Variants in LCA5L observed in about 807,000 individuals in gnomAD.
The protein encoded by LCA5L is lebercilin LCA5 like.
In LCA5L, 35 loss-of-function variants were observed where a neutral mutation model predicts 45.4. The ratio of observed to expected loss-of-function variants is 0.77; its 90% CI spans 0.59 to 1.02. The LOEUF (loss-of-function observed/expected upper bound fraction) is 1.02, where lower values mean the gene tolerates loss of function less well. Among genes scored for constraint, LCA5L ranks in the 50% least tolerant of loss-of-function variants. The pLI is 0.00. For synonymous variants in LCA5L, 233 were observed against 264.7 expected, an observed-to-expected ratio of 0.88 and a Z score of 1.16; for missense variants, 668 against 761.6, an observed-to-expected ratio of 0.88 and a Z score of 1.45.
At chr21:39,443,061 G>C (rs1353260719) in intron 2 of LCA5L, among the ~76,000 whole-genome samples, 1 of 152,146 alleles carries the variant, frequency 6.6e-6, no homozygotes, top group Non-Finnish European at 1.5e-5. Flanking sequence ...GTGAAATGGG[G>C]GCAGCAGTTT....
Position 39,406,182 on chromosome 21 carries a change from G to C in LCA5L, c.1713C>G (p.Asp571Glu). The C allele has an allele frequency of 6.2e-7, 1 of 1,614,204 alleles. No homozygotes were observed. Among genetic ancestry groups the C allele is most frequent in the South Asian group, 1.1e-5 (1 of 91,090 alleles). ...TACCAAATGAGGGCTCATACCCACTGTCAGAATGCTCTAGCTCCATTTCCT... is the reference window on the plus strand; with the variant it reads ...TACCAAATGAGGGCTCATACCCACTCTCAGAATGCTCTAGCTCCATTTCCT... ...NREEMELEHS[D>E]SGYEPSFGKS... Residue 571 changes from aspartate to glutamate, a missense_variant, in exon 11 of 11, where the codon GAC (aspartate) becomes GAG (glutamate). Coordinates refer to ENST00000288350, the MANE Select transcript of LCA5L (RefSeq NM_152505.4).
chr21:39,433,046 T>A (rs920597076), intron 3 of LCA5L, among the ~76,000 whole-genome samples: 2 of 152,224 alleles, frequency 1.3e-5, no homozygotes, highest in Admixed American at 6.5e-5. Context: ...CATCTGTGAT[T>A]TTTCATTCTC....
At chr21:39,418,381 TTTAA>T (rs2041679308) in intron 7 of LCA5L, among the ~76,000 whole-genome samples, 1 of 152,252 alleles carries the variant, frequency 6.6e-6, no homozygotes, top group South Asian at 2.1e-4. Context: ...TGGAGGTACA[TTTAA>T]TTTTCTTTTT....
chr21:39,410,398 CAT>C, intron 8 of LCA5L, 31 bp from the exon 9 acceptor site: 1 of 1,122,038 alleles, frequency 8.9e-7, no homozygotes, highest in Non-Finnish European at 1.3e-6. Context: ...ATGTAAGAAA[CAT>C]ATTTTACATT....
intron 6 of LCA5L, chr21:39,422,608 T>G: frequency 3.0e-6 from 1 of 336,616 alleles, no homozygotes; most frequent in South Asian, 1.1e-4. Flanking sequence ...CAGTTTAAGG[T>G]AGAGGGTTGA....
chr21:39,405,759 A>G lies in LCA5L; in HGVS notation c.*123T>C, dbSNP rs1387336564. On this transcript the variant is annotated 3_prime_UTR_variant, in exon 11 of 11. Transcript: ENST00000288350. ...ATCAAACAAAAATTTAATTATCGAA[A>G]GTCAATTAAGTACTAAAACACACAC... 1 of 656,888 alleles carries G rather than the reference A, an allele frequency of 1.5e-6. No homozygotes were observed. Among genetic ancestry groups the G allele is most frequent in the African/African-American group, 1.8e-5 (1 of 54,698 alleles). The allele number at this position is 656,888 out of a possible 1,614,324, so 40.7% of individuals were successfully genotyped here. A position where few individuals can be genotyped will look rare whatever the true frequency, so the allele number is the denominator to read the frequency against.
chr21:39,405,929 T>A lies in LCA5L; in HGVS notation c.1966A>T (p.Ile656Phe), dbSNP rs1057349551. 1 of 1,610,794 alleles carries A rather than the reference T, an allele frequency of 6.2e-7. No homozygotes were observed. Among genetic ancestry groups the A allele is most frequent in the South Asian group, 1.1e-5 (1 of 90,898 alleles). ...GDSKVTVVNS[I>F]KPSSPTEGKR... ...CCTTCTGTAGGTGACGATGGCTTAA[T>A]AGAATTTACCACAGTTACTTTAGAG... The change falls in exon 11 of 11, where the codon ATT (isoleucine) becomes TTT (phenylalanine). Residue 656 changes from isoleucine (I) to phenylalanine (F), a missense_variant. Coordinates refer to ENST00000288350, the MANE Select transcript of LCA5L (RefSeq NM_152505.4).
chr21:39,441,179 AT>A (rs2076814821), intron 2 of LCA5L, among the ~76,000 whole-genome samples: 1 of 152,190 alleles, frequency 6.6e-6, no homozygotes, highest in Admixed American at 6.5e-5. Flanking sequence ...CTAAAAAAAA[AT>A]TAGCCGGGTG....
At chr21:39,421,205 C>T (rs957926147) in intron 6 of LCA5L, among the ~76,000 whole-genome samples, 1 of 149,692 alleles carries the variant, frequency 6.7e-6, no homozygotes, top group East Asian at 2.0e-4. Flanking sequence ...TGGGTTCAAA[C>T]GATTCTCCTG....
chr21:39,417,033 G>C (rs2041307958), intron 7 of LCA5L, among the ~76,000 whole-genome samples: 1 of 151,068 alleles, frequency 6.6e-6, no homozygotes, highest in South Asian at 2.1e-4. Flanking sequence ...TTTAGGGATA[G>C]CTTTTTATTT....
chr21:39,440,390 C>T (rs148354855), intron 2 of LCA5L, among the ~76,000 whole-genome samples: 2 of 152,110 alleles, frequency 1.3e-5, no homozygotes, highest in Non-Finnish European at 2.9e-5. Flanking sequence ...AGGGAGATGC[C>T]ATCTCTATAA....
chr21:39,431,644 A>G (rs2075736474), intron 3 of LCA5L, among the ~76,000 whole-genome samples: 1 of 152,048 alleles, frequency 6.6e-6, no homozygotes, highest in Non-Finnish European at 1.5e-5. Context: ...CAGCCTCCCA[A>G]GTAGCTGGGA....
intron 3 of LCA5L, among the ~76,000 whole-genome samples, chr21:39,433,322 G>A (rs1027491046): frequency 6.6e-6 from 1 of 151,190 alleles, no homozygotes; most frequent in African/African-American, 2.4e-5. Context: ...GGAGGCTGAG[G>A]CAGGAGAATT....
intron 3 of LCA5L, among the ~76,000 whole-genome samples, chr21:39,434,124 T>C (rs2076058839): frequency 6.6e-6 from 1 of 152,158 alleles, no homozygotes; most frequent in African/African-American, 2.4e-5. Context: ...AATACAGGTA[T>C]GTTTGGGTTC....
rs2075122430 is a variant in LCA5L, at chr21:39,428,337, T to C, written c.157A>G (p.Arg53Gly). Residue 53 changes from arginine (R) to glycine (G), a missense_variant, in exon 5 of 11, where the codon AGA becomes GGA. Coordinates refer to ENST00000288350, the MANE Select transcript of LCA5L (RefSeq NM_152505.4). The part of the protein sequence containing the change: ...NASNKSVDYS[R>G]SQCSCGSLSS... ...AAACTTCCACAGGAGCACTGAGATC[T>C]GCTATAATCAACACTCTTATTGGAA... 1.2e-6 allele frequency: 2 copies of C among 1,613,652 alleles called. No individual in the cohort carries two copies. The highest frequency in any genetic ancestry group is 1.7e-6 in the Non-Finnish European group (2 of 1,179,932).
In LCA5L at chr21:39,442,970, G is replaced by A. The variant is rs146453228; in HGVS notation, c.-246+1165C>T. Among the ~76,000 whole-genome samples the A allele has an allele frequency of 5.6e-3, 858 of 152,324 alleles. 8 individuals are homozygous for A. Among genetic ancestry groups the A allele is most frequent in the African/African-American group, 0.018 (762 of 41,564 alleles). ...TCCAATATTAAGGAGCCTGGGAGAG[G>A]AGGGTGAGCCAGAATGGCAGCAGGA... On this transcript the variant is annotated intron_variant, in intron 2 of 10. Transcript: ENST00000288350.
rs550342233 is a variant in LCA5L at position 39,428,598 on chromosome 21, AT to A, written c.-10-96del. On this transcript the variant is annotated intron_variant, in intron 4 of 10. Coordinates refer to ENST00000288350, the MANE Select transcript of LCA5L (RefSeq NM_152505.4). Reference sequence around the variant, plus strand: ...TTATTTTATATATATATATATATATATTTTTTTTTTTTTTTTTTTTTTTTTT... The same window carrying A: ...TTATTTTATATATATATATATATATATTTTTTTTTTTTTTTTTTTTTTTTT... 247 of 31,896 alleles carry A rather than the reference AT, an allele frequency of 7.7e-3. 3 individuals are homozygous for A. The highest frequency in any genetic ancestry group is 0.026 in the Middle Eastern group (1 of 38). The allele number at this position is 31,896 out of a possible 1,614,324, so 2.0% of individuals were successfully genotyped here.
At chr21:39,426,273 A>G (rs1268685686) in intron 5 of LCA5L, among the ~76,000 whole-genome samples, 1 of 152,200 alleles carries the variant, frequency 6.6e-6, no homozygotes, top group Non-Finnish European at 1.5e-5. Context: ...TCCATCACGC[A>G]TACTTGATGG....
chr21:39,439,492 T>C (rs1002290290), intron 2 of LCA5L: 2 of 152,246 alleles, frequency 1.3e-5, no homozygotes, highest in African/African-American at 2.4e-5. Flanking sequence ...GGCTATTAAA[T>C]GCAAATGAAT....
Sources: gnomAD v4.1 joint callset for allele counts (sites outside exome capture counted in the v4.1 genomes callset) on GRCh38, gnomAD v4.1.1 for gene constraint, MANE v1.5 for transcripts, NCBI Gene and HGNC (gene_info 2026-07-23, HGNC 2026-07-21) for gene names.